MDGA2: variants seen among roughly 807,000 people sequenced by gnomAD.
The protein encoded by MDGA2 is MAM domain-containing glycosylphosphatidylinositol anchor protein 2.
In MDGA2, 40 loss-of-function variants were observed where a neutral mutation model predicts 117.8. The observed-to-expected ratio is 0.34, with a 90% CI of 0.26 to 0.44. The LOEUF is 0.44. MDGA2 is among the 20% of genes least tolerant of loss of function. The pLI is 1.00. For synonymous variants in MDGA2, 452 were observed against 439.0 expected (o/e 1.03, Z -0.37); for missense variants, 1,123 against 1,250.6 (o/e 0.90, Z 1.54).
chr14:47,513,366 A>C (rs1894682940), intron 1 of MDGA2, among the ~76,000 whole-genome samples: 1 of 152,134 alleles, frequency 6.6e-6, no homozygotes, highest in Non-Finnish European at 1.5e-5. Flanking sequence ...CAATCACTTT[A>C]ATATATACAT....
chr14:47,028,510 T>C (rs1024254552), intron 8 of MDGA2, among the ~76,000 whole-genome samples: 4 of 152,188 alleles, frequency 2.6e-5, no homozygotes, highest in Admixed American at 2.0e-4. Context: ...ATATATCATC[T>C]AATGTGTGTC....
intron 9 of MDGA2, among the ~76,000 whole-genome samples, chr14:46,944,181 C>CT (rs998053225): frequency 9.2e-5 from 14 of 151,790 alleles, no homozygotes; most frequent in Non-Finnish European, 1.8e-4. Flanking sequence ...AATTCTCTGG[C>CT]TTTTTTCAGA....
chr14:47,284,246 C>T lies in MDGA2; in HGVS notation c.420+17165G>A, dbSNP rs139328522. On this transcript the variant is annotated intron_variant, in intron 2 of 16. Transcript: ENST00000399232. ...AAGTAGAATTTGGAATAGAGACATG[C>T]AAAGTCAGCTTAATGAAGCCAAATT... 9.7e-3 allele frequency among the ~76,000 whole-genome samples: 1,471 copies of T among 152,220 alleles called. 15 individuals carry two copies. The highest frequency in any genetic ancestry group is 0.014 in the Non-Finnish European group (970 of 68,010).
rs192056232 is a variant in MDGA2 at position 47,141,550 on chromosome 14, T to C, written c.792+2528A>G. Among the ~76,000 whole-genome samples the C allele has an allele frequency of 4.6e-3, 701 of 152,322 alleles. 2 individuals carry two copies. The highest frequency in any genetic ancestry group is 7.4e-3 in the Non-Finnish European group (501 of 68,016). ...GATCCACCCACATTGCTGCAAATGATGGGTCTGTCCCAGAGCCAGCAACAT... is the reference window on the plus strand; with the variant it reads ...GATCCACCCACATTGCTGCAAATGACGGGTCTGTCCCAGAGCCAGCAACAT... On this transcript the variant is annotated intron_variant, in intron 4 of 16. Coordinates refer to ENST00000399232, the MANE Select transcript of MDGA2 (RefSeq NM_001113498.3).
intron 1 of MDGA2, among the ~76,000 whole-genome samples, chr14:47,406,441 G>A (rs1164977822): frequency 6.6e-6 from 1 of 151,814 alleles, no homozygotes; most frequent in African/African-American, 2.4e-5. Context: ...TTATTAAGCA[G>A]ACACTAAAAT....
chr14:47,039,917 A>ACG (rs1889001372), intron 7 of MDGA2, among the ~76,000 whole-genome samples: 1 of 152,052 alleles, frequency 6.6e-6, no homozygotes, highest in Non-Finnish European at 1.5e-5. Context: ...TCTCTCTCAC[A>ACG]CACACACACA....
chr14:47,637,187 T>G (rs1202100077), intron 1 of MDGA2, among the ~76,000 whole-genome samples: 1 of 152,146 alleles, frequency 6.6e-6, no homozygotes, highest in African/African-American at 2.4e-5. Flanking sequence ...GATATGGGTA[T>G]GTATATGAAG....
chr14:47,003,991 A>G (rs1887624409), intron 8 of MDGA2, among the ~76,000 whole-genome samples: 1 of 152,030 alleles, frequency 6.6e-6, no homozygotes, highest in Non-Finnish European at 1.5e-5. Context: ...TTCTGTTGAA[A>G]GACACTTAGA....
chr14:47,253,133 C>A (rs538814522), intron 2 of MDGA2, among the ~76,000 whole-genome samples: 2 of 152,284 alleles, frequency 1.3e-5, no homozygotes, highest in Admixed American at 1.3e-4. Flanking sequence ...AACTACAATT[C>A]AAGATGAGAT....
At chr14:47,000,131 T>A (rs750602178) in intron 8 of MDGA2, among the ~76,000 whole-genome samples, 1 of 151,198 alleles carries the variant, frequency 6.6e-6, no homozygotes, top group African/African-American at 2.4e-5. Context: ...ACATGAATAT[T>A]AGTGGTTGCC....
At chr14:47,105,839 C>T (rs1387670459) in intron 5 of MDGA2, among the ~76,000 whole-genome samples, 1 of 152,024 alleles carries the variant, frequency 6.6e-6, no homozygotes, top group African/African-American at 2.4e-5. Flanking sequence ...GACCTCTCCC[C>T]TCCTCCCCAG....
chr14:47,435,157 A>G (rs1171990545), intron 1 of MDGA2, among the ~76,000 whole-genome samples: 3 of 152,102 alleles, frequency 2.0e-5, no homozygotes, highest in Non-Finnish European at 4.4e-5. Context: ...AAAGCAAAAC[A>G]AACCAACATT....
At chr14:47,658,254 C>A (rs968376317) in intron 1 of MDGA2, among the ~76,000 whole-genome samples, 2 of 152,098 alleles carry the variant, frequency 1.3e-5, no homozygotes, top group Non-Finnish European at 2.9e-5. Context: ...GAGAAGAACT[C>A]TGGCACCCCA....
At chr14:47,380,572 A>T (rs1891595955) in intron 1 of MDGA2, among the ~76,000 whole-genome samples, 1 of 152,168 alleles carries the variant, frequency 6.6e-6, no homozygotes, top group South Asian at 2.1e-4. Flanking sequence ...CTACCATCAG[A>T]GAATACTACA....
chr14:46,967,760 T>C (rs1886092771), intron 8 of MDGA2, among the ~76,000 whole-genome samples: 1 of 152,172 alleles, frequency 6.6e-6, no homozygotes, highest in Non-Finnish European at 1.5e-5. Flanking sequence ...TTACTGTTTT[T>C]TTCTTATACA....
intron 1 of MDGA2, among the ~76,000 whole-genome samples, chr14:47,573,377 A>G (rs1462945548): frequency 1.3e-4 from 20 of 152,170 alleles, no homozygotes; most frequent in Admixed American, 1.2e-3. Context: ...TATCAGCCAC[A>G]TTATAATCTT....
chr14:46,845,024 G>A (rs1490986390), intron 16 of MDGA2, among the ~76,000 whole-genome samples: 7 of 152,140 alleles, frequency 4.6e-5, no homozygotes, highest in Non-Finnish European at 8.8e-5. Context: ...TGGGACTACA[G>A]GGACTACACG....
At chr14:46,873,203 T>C (rs552926344) in intron 14 of MDGA2, 5 of 415,558 alleles carry the variant, frequency 1.2e-5, no homozygotes, top group African/African-American at 1.0e-4. Flanking sequence ...CTACCTGATT[T>C]AGGATTCCAA....
intron 7 of MDGA2, among the ~76,000 whole-genome samples, chr14:47,053,470 T>C (rs1198261672): frequency 2.0e-5 from 3 of 151,498 alleles, no homozygotes; most frequent in Non-Finnish European, 4.4e-5. Flanking sequence ...GTGACATTAC[T>C]GTATTCTAAA....
Sources: allele counts gnomAD v4.1 joint callset (sites outside exome capture counted in the v4.1 genomes callset), GRCh38; gene constraint gnomAD v4.1.1; transcripts MANE v1.5; gene names NCBI Gene and HGNC (gene_info 2026-07-23, HGNC 2026-07-21).